The following CAPN8 variants were observed in gnomAD, a reference collection of about 807,000 sequenced individuals.
CAPN8 encodes calpain-8.
In CAPN8, 87 loss-of-function variants were observed where a neutral mutation model predicts 80.9. The ratio of observed to expected loss-of-function variants is 1.07; its 90% CI spans 0.90 to 1.28. The LOEUF is 1.28. CAPN8 is among the 50% of genes most tolerant of loss of function. CAPN8 has a pLI of 0.00. For missense variants in CAPN8, 757 were observed against 702.0 expected (o/e 1.08, Z -0.89); for synonymous variants, 299 against 273.8 (o/e 1.09, Z -0.91).
intron 2 of CAPN8, among the ~76,000 whole-genome samples, chr1:223,632,367 G>GGTTTTGTTTT (rs71572867): frequency 0.18 from 27,063 of 151,598 alleles, 2,490 homozygotes; most frequent in Middle Eastern, 0.22. Flanking sequence ...TTGGAGCATA[G>GGTTTTGTTTT]GTTTTGTTTT....
intron 1 of CAPN8, among the ~76,000 whole-genome samples, chr1:223,663,444 A>G (rs1272288521): frequency 6.6e-6 from 1 of 151,962 alleles, no homozygotes; most frequent in Non-Finnish European, 1.5e-5. Context: ...CCCATCATTT[A>G]TGCCTCTGTA....
intron 2 of CAPN8, among the ~76,000 whole-genome samples, chr1:223,629,194 A>AAG (rs1239643085): frequency 1.3e-5 from 1 of 74,766 alleles, no homozygotes; most frequent in East Asian, 3.9e-4. Context: ...GTGTACGTGT[A>AAG]AGAGTGTGTG....
At chr1:223,624,180 G>A (rs927899100) in intron 6 of CAPN8, among the ~76,000 whole-genome samples, 2 of 152,114 alleles carry the variant, frequency 1.3e-5, no homozygotes, top group African/African-American at 4.8e-5. Flanking sequence ...GGGCTCAAGC[G>A]ATCCTCCCAC....
chr1:223,615,616 C>T (rs1167288634), intron 10 of CAPN8, among the ~76,000 whole-genome samples: 3 of 152,186 alleles, frequency 2.0e-5, no homozygotes, highest in Non-Finnish European at 4.4e-5. Flanking sequence ...CCTCATCTTC[C>T]TTGTGCCACC....
chr1:223,542,960 C>A, intron 20 of CAPN8, 148 bp downstream of exon 20: 1 of 741,350 alleles, frequency 1.3e-6, no homozygotes, highest in Non-Finnish European at 2.2e-6. Context: ...AGTTGCCTTC[C>A]TCCCTGCTGG....
At position 223,627,053 on chromosome 1, in the gene CAPN8, G is replaced by C. The variant is rs890441063; in HGVS notation, c.665C>G (p.Ala222Gly). The C allele has an allele frequency of 1.3e-6, 2 of 1,551,882 alleles. No homozygotes were observed. Among genetic ancestry groups the C allele is most frequent in the Middle Eastern group, 1.7e-4 (1 of 5,994 alleles). Residue 222 changes from alanine (A) to glycine (G), a missense_variant, in exon 5 of 21, where the codon GCC becomes GGC. Physicochemically the swap from Ala to Gly is moderately conservative, Grantham distance 60 (BLOSUM62 0). Transcript: ENST00000366872. Reference sequence around the variant, plus strand: ...CTTCCGGATGATCTGATATAGATTGGCTGGTGGTTTCTTCAGGTCATAAAA... The same window carrying C: ...CTTCCGGATGATCTGATATAGATTGCCTGGTGGTTTCTTCAGGTCATAAAA... ...SEFYDLKKPP[A>G]NLYQIIRKAL...
At chr1:223,615,893 T>C (rs1164445579) in intron 10 of CAPN8, 77 bp downstream of exon 10, 12 of 1,503,028 alleles carry the variant, frequency 8.0e-6, no homozygotes, top group Non-Finnish European at 9.9e-6. Context: ...AGGAAAGATG[T>C]GCTACAATGA....
At chr1:223,648,233 G>GCA (rs1209930458) in intron 2 of CAPN8, among the ~76,000 whole-genome samples, 3 of 152,238 alleles carry the variant, frequency 2.0e-5, no homozygotes, top group African/African-American at 7.2e-5. Context: ...CCGCGGAGTA[G>GCA]AGGAGCCACC....
At chr1:223,611,373 T>A (rs1477350157) in intron 11 of CAPN8, among the ~76,000 whole-genome samples, 1 of 152,222 alleles carries the variant, frequency 6.6e-6, no homozygotes, top group Non-Finnish European at 1.5e-5. Context: ...CCCCTTTCCA[T>A]GGCAACAACC....
chr1:223,617,913 T>C (rs1378164343), intron 9 of CAPN8: 1 of 253,660 alleles, frequency 3.9e-6, no homozygotes, highest in African/African-American at 2.2e-5. Context: ...TTCCTCTCTG[T>C]TCAGCACTCT....
intron 10 of CAPN8, among the ~76,000 whole-genome samples, chr1:223,612,639 G>A (rs780902026): frequency 2.6e-5 from 4 of 152,054 alleles, no homozygotes; most frequent in Non-Finnish European, 5.9e-5. Context: ...ACCAGAGTGG[G>A]GGAATCTCAC....
intron 13 of CAPN8, among the ~76,000 whole-genome samples, chr1:223,556,539 T>C (rs1656909732): frequency 6.6e-6 from 1 of 152,136 alleles, no homozygotes; most frequent in Non-Finnish European, 1.5e-5. Context: ...GCCCAAGAGC[T>C]GTCAGTCATA....
rs1656576483 is a variant in CAPN8 at position 223,544,843 on chromosome 1, T to C, written c.1841A>G (p.Tyr614Cys). Residue 614 changes from tyrosine (Y) to cysteine (C), a missense_variant, in exon 18 of 21, where the codon TAT (tyrosine) becomes TGT (cysteine). Coordinates refer to ENST00000366872, the MANE Select transcript of CAPN8 (RefSeq NM_001143962.2). ...CGAGTGGTTATAATCAGTTTCCCAA[T>C]AGATCTCCTAAAGCAGGAAAGAAAT... ...WLKIQKYLEI[Y>C]WETDYNHSGT... 3 of 1,551,668 alleles carry C rather than the reference T, an allele frequency of 1.9e-6. No homozygotes were observed. Among genetic ancestry groups the C allele is most frequent in the Admixed American group, 3.9e-5 (2 of 51,004 alleles).
intron 2 of CAPN8, among the ~76,000 whole-genome samples, chr1:223,640,014 AT>A (rs1263159048): frequency 1.3e-5 from 2 of 152,180 alleles, no homozygotes; most frequent in African/African-American, 2.4e-5. Context: ...GTAGCAAGAA[AT>A]TTCGGGAAGA....
In CAPN8 at chr1:223,641,076, G is replaced by A. The variant is rs376060310; in HGVS notation, c.308-12296C>T. ...TCCTTGAAAAGGGAATGGTTTGAGC[G>A]TCAAAGTATTGAAGGACGGCCTTGG... On this transcript the variant is annotated intron_variant, in intron 2 of 20. Coordinates refer to ENST00000366872, the MANE Select transcript of CAPN8 (RefSeq NM_001143962.2). Among the ~76,000 whole-genome samples, 283 of 152,228 alleles carry A rather than the reference G, an allele frequency of 1.9e-3. 1 individual carries two copies. The highest frequency in any genetic ancestry group is 5.2e-3 in the African/African-American group (218 of 41,546).
rs1657178595 is a variant in CAPN8, at chr1:223,616,157, C to A, written c.1136-12G>T. 6.5e-7 allele frequency: 1 copy of A among 1,542,346 alleles called. No individual in the cohort carries two copies. Among genetic ancestry groups the A allele is most frequent in the East Asian group, 2.5e-5 (1 of 40,682 alleles). Reference sequence around the variant, plus strand: ...GGTCCAGTACGTGGCTGGAAGTCACCCAGGTGATGGTGGTTCCCCACGTAG... The same window carrying A: ...GGTCCAGTACGTGGCTGGAAGTCACACAGGTGATGGTGGTTCCCCACGTAG... On this transcript the variant is annotated splice_polypyrimidine_tract_variant and intron_variant, in intron 9 of 20. Transcript: ENST00000366872.
chr1:223,616,330 C>T (rs574976064), intron 9 of CAPN8, among the ~76,000 whole-genome samples, 185 bp from the exon 10 acceptor site: 5 of 152,214 alleles, frequency 3.3e-5, no homozygotes, highest in Non-Finnish European at 5.9e-5. Flanking sequence ...TACCTTCCTA[C>T]ACATCCACAC....
intron 19 of CAPN8, 66 bp from the exon 20 acceptor site, chr1:223,543,232 G>T (rs1392616714): frequency 1.3e-6 from 2 of 1,524,564 alleles, no homozygotes; most frequent in Non-Finnish European, 1.8e-6. Flanking sequence ...CAATCAGAGA[G>T]CTGCCTCTGT....
chr1:223,544,170 G>A lies in CAPN8; in HGVS notation c.1926C>T (p.Asn642=). Residue 642 remains asparagine, a synonymous_variant, in exon 19 of 21, where the codon AAC becomes AAT. Transcript: ENST00000366872. The part of the protein sequence containing the change: ...TALRKAGFTL[N]SQVQQTIALR... ...GGGCAATGGTCTGCTGCACCTGGCT[G>A]TTGAGGGTGAAACCTGAGGGCAGAG... 1 of 718,136 alleles carries A rather than the reference G, an allele frequency of 1.4e-6. No individual in the cohort carries two copies. Among genetic ancestry groups the A allele is most frequent in the East Asian group, 2.7e-5 (1 of 37,294 alleles). 44.5% of individuals were successfully genotyped at this position (718,136 alleles called of 1,614,324 possible).
Sources: gnomAD v4.1 joint callset for allele counts (sites outside exome capture counted in the v4.1 genomes callset) on GRCh38, gnomAD v4.1.1 for gene constraint, MANE v1.5 for transcripts, NCBI Gene and HGNC (gene_info 2026-07-23, HGNC 2026-07-21) for gene names.